ESYT1: variants seen among roughly 807,000 people sequenced by gnomAD.
ESYT1 encodes the protein extended synaptotagmin-1.
ESYT1 carries 116 observed loss-of-function variants against 154.2 expected under a neutral mutation model. The ratio of observed to expected loss-of-function variants is 0.75; its 90% confidence interval spans 0.65 to 0.88. The LOEUF (loss-of-function observed/expected upper bound fraction) is 0.88, where lower values mean the gene tolerates loss of function less well. Among genes scored for constraint, ESYT1 ranks in the 40% least tolerant of loss-of-function variants. The pLI is 0.00. For synonymous variants in ESYT1, 500 were observed against 539.9 expected, an observed-to-expected ratio of 0.93 and a Z score of 1.02; for missense variants, 1,264 against 1,379.3, an observed-to-expected ratio of 0.92 and a Z score of 1.32.
Position 56,142,463 on chromosome 12 carries a change from G to A in ESYT1, c.2733+38G>A, listed in dbSNP as rs1243403499. 5.6e-6 allele frequency: 9 copies of A among 1,607,830 alleles called. No individual in the cohort carries two copies. Among genetic ancestry groups the A allele is most frequent in the African/African-American group, 1.3e-5 (1 of 74,820 alleles). Reference sequence around the variant, plus strand: ...AGATGGTGGGCAGGATGAGAGGGAGGAGGGGAGGGCCTTCACAGGTGAGGG... The same window carrying A: ...AGATGGTGGGCAGGATGAGAGGGAGAAGGGGAGGGCCTTCACAGGTGAGGG... On this transcript the variant is annotated intron_variant, in intron 25 of 30. Coordinates refer to ENST00000394048, the MANE Select transcript of ESYT1 (RefSeq NM_015292.3). The surrounding 1 kb of genome is among the most constrained non-coding windows in gnomAD (Gnocchi z 4.1).
At chr12:56,143,735 T>C in intron 30 of ESYT1, 88 bp from the exon 31 acceptor site, 1 of 1,610,144 alleles carries the variant, frequency 6.2e-7, no homozygotes, top group Non-Finnish European at 8.5e-7. Context: ...CCATTGATTC[T>C]ATCAAGTAGA....
At chr12:56,134,241 G>C (rs754586538) in intron 14 of ESYT1, 60 bp downstream of exon 14, 1 of 1,603,626 alleles carries the variant, frequency 6.2e-7, no homozygotes, top group Non-Finnish European at 8.5e-7. Flanking sequence ...CTATTCTTGG[G>C]ATGGTTTCCC....
At position 56,142,577 on chromosome 12, in the gene ESYT1, G is replaced by GC; in HGVS notation, c.2734-1_2734insC (p.Ile912HisfsTer13). 1 of 1,614,152 alleles carries GC rather than the reference G, an allele frequency of 6.2e-7. No individual in the cohort carries two copies. Among genetic ancestry groups the GC allele is most frequent in the Non-Finnish European group, 8.5e-7 (1 of 1,180,030 alleles). On this transcript the variant is annotated frameshift_variant and splice_region_variant. Coordinates refer to ENST00000394048, the MANE Select transcript of ESYT1 (RefSeq NM_015292.3). LOFTEE classifies it high-confidence loss of function. This position sits in a 1 kb window ranked among gnomAD's most constrained non-coding sequence, Gnocchi z 4.1. Reference sequence around the variant, plus strand: ...CCAGCTCACAGCTTTCTTGCCCCTAGATCCTGGTGTCCCAGCACTCGGGAG... The same window carrying GC: ...CCAGCTCACAGCTTTCTTGCCCCTAGCATCCTGGTGTCCCAGCACTCGGGAG...
At chr12:56,135,109 C>T (rs773158453) in intron 15 of ESYT1, among the ~76,000 whole-genome samples, 6 of 151,362 alleles carry the variant, frequency 4.0e-5, no homozygotes, top group South Asian at 2.1e-4. Flanking sequence ...AGGCTGGGCA[C>T]GGTACCTAAA....
rs77903710 is a variant in ESYT1, at chr12:56,140,506, G to C, written c.2592+1493G>C. ...AGCCTCCCGAGTAGATGGGATTATA[G>C]GTGCCCGCCACCACGCCCAGCTAAT... On this transcript the variant is annotated intron_variant, in intron 24 of 30. Transcript: ENST00000394048. 1.2e-3 allele frequency among the ~76,000 whole-genome samples: 183 copies of C among 152,194 alleles called. 1 individual carries two copies. The East Asian group carries it at 0.033, about 27-fold the overall frequency.
chr12:56,143,390 T>G, intron 29 of ESYT1, 57 bp downstream of exon 29: 2 of 1,572,424 alleles, frequency 1.3e-6, no homozygotes, highest in Non-Finnish European at 1.7e-6. Flanking sequence ...GGCACCAAGG[T>G]TATAGTCCCT....
At chr12:56,129,958 T>G (rs2136867921) in intron 1 of ESYT1, among the ~76,000 whole-genome samples, 1 of 152,118 alleles carries the variant, frequency 6.6e-6, no homozygotes, top group East Asian at 1.9e-4. Context: ...CTCGCTCTGT[T>G]GCCAAGCTGG....
At chr12:56,138,886 AAG>A in intron 23 of ESYT1, 39 bp from the exon 24 acceptor site, 1 of 1,611,614 alleles carries the variant, frequency 6.2e-7, no homozygotes, top group Non-Finnish European at 8.5e-7. Flanking sequence ...TAAGAGAAAT[AAG>A]AGTATCAGCT....
At chr12:56,139,211 C>G (rs1260280266) in intron 24 of ESYT1, among the ~76,000 whole-genome samples, 198 bp downstream of exon 24, 1 of 151,722 alleles carries the variant, frequency 6.6e-6, no homozygotes, top group Admixed American at 6.6e-5. Flanking sequence ...TGGGTTCACA[C>G]CATTCTCCTG....
In ESYT1 at chr12:56,132,254, C is replaced by T. The variant is rs202143614; in HGVS notation, c.906C>T (p.Leu302=). 150 of 1,614,156 alleles carry T rather than the reference C, an allele frequency of 9.3e-5. 2 individuals carry two copies. The East Asian group carries it at 2.8e-3, about 30-fold the overall frequency. The change falls in exon 8 of 31, where the codon CTC becomes CTT. Residue 302 remains leucine (L), a synonymous_variant. Transcript: ENST00000394048. ...TCATGGACTCCATTGCTGCCTTCCT[C>T]GTGTTGCCCAACCGATTACTGGTGC... ...TMIMDSIAAF[L]VLPNRLLVPL...
intron 14 of ESYT1, 34 bp from the exon 15 acceptor site, chr12:56,134,308 G>A: frequency 6.2e-7 from 1 of 1,606,562 alleles, no homozygotes. Flanking sequence ...TGGTGCTGTG[G>A]TATACACCCT....
chr12:56,132,171 T>C (rs1870261292), intron 7 of ESYT1, 38 bp from the exon 8 acceptor site: 1 of 1,613,906 alleles, frequency 6.2e-7, no homozygotes, highest in Non-Finnish European at 8.5e-7. Context: ...AAATTGGAAG[T>C]TGAGGCCATA....
Position 56,131,322 on chromosome 12 carries a change from C to T in ESYT1, c.714+6C>T. ...CAGGAGTCAAGGGCATGCAGGTAGG[C>T]CAGATGTCAGGGGCCACATAATAGG... On this transcript the variant is annotated splice_donor_region_variant and intron_variant, in intron 5 of 30. Transcript: ENST00000394048. 6.2e-7 allele frequency: 1 copy of T among 1,614,066 alleles called. No individual in the cohort carries two copies. Among genetic ancestry groups the T allele is most frequent in the Middle Eastern group, 1.6e-4 (1 of 6,062 alleles).
At position 56,131,787 on chromosome 12, in the gene ESYT1, G is replaced by A; in HGVS notation, c.843G>A (p.Leu281=). 3 of 1,614,170 alleles carry A rather than the reference G, an allele frequency of 1.9e-6. No individual in the cohort carries two copies. In the South Asian group the frequency reaches 3.3e-5, roughly 18 times the overall value. The change falls in exon 7 of 31, where the codon CTG becomes CTA. Residue 281 remains leucine (L), a synonymous_variant. Transcript: ENST00000394048. ...DINWTGMTNL[L]DIPGLSSLSD... ...ACTGGACAGGGATGACCAACCTGCT[G>A]GATATCCCAGGACTTAGGTATCAAG...
In ESYT1 at chr12:56,143,208, A is replaced by C; in HGVS notation, c.3120-20A>C. On this transcript the variant is annotated intron_variant, in intron 28 of 30. Transcript: ENST00000394048. The stretch of plus-strand genomic sequence containing the variant: ...GGCTTGGAAAGGACTCCTGGCCCCT[A>C]ACATCCAGTCCTACCCCAGGTTTGA... 6.2e-7 allele frequency: 1 copy of C among 1,614,082 alleles called. No individual in the cohort carries two copies. Among genetic ancestry groups the C allele is most frequent in the Non-Finnish European group, 8.5e-7 (1 of 1,179,996 alleles).
intron 1 of ESYT1, chr12:56,129,185 C>T (rs951962839): frequency 4.9e-5 from 8 of 164,016 alleles, no homozygotes; most frequent in African/African-American, 1.4e-4. Context: ...TCGCTTTTAT[C>T]CCCGGGTACC....
At position 56,137,669 on chromosome 12, in the gene ESYT1, T is replaced by C. The variant is rs778832440; in HGVS notation, c.2109T>C (p.Val703=). Reference sequence around the variant, plus strand: ...ATCTCAATCCCCGCTGGAATGAGGTTTTTGAGGTCAGAATTGAGTGGCTGT... The same window carrying C: ...ATCTCAATCCCCGCTGGAATGAGGTCTTTGAGGTCAGAATTGAGTGGCTGT... ...REDLNPRWNE[V]FEVIVTSVPG... is the part of the protein sequence containing the mutation. The change falls in exon 18 of 31, where the codon GTT becomes GTC. Residue 703 remains valine (V), a synonymous_variant. Transcript: ENST00000394048. 1 of 1,613,866 alleles carries C rather than the reference T, an allele frequency of 6.2e-7. No individual in the cohort carries two copies. The highest frequency in any genetic ancestry group is 2.2e-5 in the East Asian group (1 of 44,878).
At position 56,144,269 on chromosome 12, in the gene ESYT1, T is replaced by G; in HGVS notation, c.*407T>G. ...TGGTCACCTTCTTCCCTACCACACATGGGTGGGAAGGTGGACAGGCTAACC... is the reference window on the plus strand; with the variant it reads ...TGGTCACCTTCTTCCCTACCACACAGGGGTGGGAAGGTGGACAGGCTAACC... On this transcript the variant is annotated 3_prime_UTR_variant, in exon 31 of 31. Coordinates refer to ENST00000394048, the MANE Select transcript of ESYT1 (RefSeq NM_015292.3). The G allele has an allele frequency of 3.7e-6, 4 of 1,076,656 alleles. No individual in the cohort carries two copies. Among genetic ancestry groups the G allele is most frequent in the Non-Finnish European group, 4.5e-6 (4 of 884,066 alleles). The allele number at this position is 1,076,656 out of a possible 1,614,324, so 66.7% of individuals were successfully genotyped here. A position where few individuals can be genotyped will look rare whatever the true frequency, so the allele number is the denominator to read the frequency against.
rs1000736291 is a variant in ESYT1 at position 56,143,296 on chromosome 12, C to T, written c.3188C>T (p.Ser1063Phe). 1.4e-5 allele frequency: 22 copies of T among 1,613,994 alleles called. No individual in the cohort carries two copies. The highest frequency in any genetic ancestry group is 1.9e-5 in the Non-Finnish European group (22 of 1,180,022). ...RKLDVSVKSN[S>F]SFMSRERELL... ...CTGGATGTCTCTGTCAAGTCTAATTCCTCCTTCATGTCAAGAGAGCGTGAG... is the reference window on the plus strand; with the variant it reads ...CTGGATGTCTCTGTCAAGTCTAATTTCTCCTTCATGTCAAGAGAGCGTGAG... The change falls in exon 29 of 31, where the codon TCC (serine) becomes TTC (phenylalanine). Residue 1063 changes from serine to phenylalanine, a missense_variant. Transcript: ENST00000394048.
Sources: allele counts gnomAD v4.1 joint callset (sites outside exome capture counted in the v4.1 genomes callset), GRCh38; gene constraint gnomAD v4.1.1; non-coding constraint Gnocchi (gnomAD v3.1); transcripts MANE v1.5; gene names NCBI Gene and HGNC (gene_info 2026-07-23, HGNC 2026-07-21).